Variants in PASK observed in about 807,000 individuals in gnomAD.
PASK encodes PAS domain-containing serine/threonine-protein kinase.
A neutral mutation model predicts 121.0 loss-of-function variants in PASK; 110 were observed. The ratio of observed to expected loss-of-function variants is 0.91; its 90% CI spans 0.78 to 1.06. PASK has a LOEUF of 1.06. Ranked by LOEUF, PASK falls within the 50% of genes least tolerant of loss-of-function variation. The pLI, the probability that PASK is intolerant of heterozygous loss-of-function variation, is 0.00. For missense variants in PASK, 1,643 were observed against 1,702.3 expected (o/e 0.97, Z 0.61); for synonymous variants, 686 against 717.8 (o/e 0.96, Z 0.71).
chr2:241,109,839 GGTCAAATAGT>G (rs1335819710), intron 15 of PASK: 1 of 152,184 alleles, frequency 6.6e-6, no homozygotes, highest in African/African-American at 2.4e-5. Flanking sequence ...TCCTGTGAAG[GGTCAAATAGT>G]AAATATTTCA....
Position 241,115,193 on chromosome 2 carries a change from G to C in PASK, c.3199-16C>G. The stretch of plus-strand genomic sequence containing the variant: ...TATCCAATACCTAGGAAGAGACAAA[G>C]CCAAGTCCAACTCTACCAAAACATC... On this transcript the variant is annotated splice_polypyrimidine_tract_variant and intron_variant, in intron 13 of 17. Coordinates refer to ENST00000234040, the MANE Select transcript of PASK (RefSeq NM_015148.4). 1 of 1,614,038 alleles carries C rather than the reference G, an allele frequency of 6.2e-7. No individual in the cohort carries two copies. The highest frequency in any genetic ancestry group is 8.5e-7 in the Non-Finnish European group (1 of 1,179,966).
rs150248398 is a variant in PASK at position 241,126,306 on chromosome 2, T to C, written c.2609A>G (p.Gln870Arg). The change falls in exon 10 of 18, where the codon CAG becomes CGG. Residue 870 changes from glutamine (Q) to arginine (R), a missense_variant. Transcript: ENST00000234040. ...CACGATCACGGGCGTGGAGGTGACCTGGACGTTCAGCCTTGGCTCCTCTGC... is the reference window on the plus strand; with the variant it reads ...CACGATCACGGGCGTGGAGGTGACCCGGACGTTCAGCCTTGGCTCCTCTGC... ...PSAEEPRLNV[Q>R]VTSTPVIVMR... The C allele has an allele frequency of 5.0e-6, 8 of 1,614,108 alleles. No homozygotes were observed. The highest frequency in any genetic ancestry group is 6.8e-6 in the Non-Finnish European group (8 of 1,180,032).
intron 10 of PASK, 146 bp from the exon 11 acceptor site, chr2:241,124,279 C>T: frequency 1.4e-6 from 1 of 715,166 alleles, no homozygotes; most frequent in Non-Finnish European, 2.4e-6. Context: ...GAACACAGAC[C>T]AGAGAGCAGC....
Position 241,137,227 on chromosome 2 carries a change from TC to T in PASK, c.913del (p.Asp305ThrfsTer7). 6.2e-7 allele frequency: 1 copy of T among 1,613,014 alleles called. No individual in the cohort carries two copies. The highest frequency in any genetic ancestry group is 2.2e-5 in the East Asian group (1 of 44,872). On this transcript the variant is annotated frameshift_variant, in exon 7 of 18. Coordinates refer to ENST00000234040, the MANE Select transcript of PASK (RefSeq NM_015148.4). LOFTEE classifies it high-confidence loss of function. ...TAAGCTCAGAGGGAAGGTGGTACCG[TC>T]CCTGGCTCTTCCAACAGACCTCTGA... Reference protein sequence around the residue: ...KIQRSVGRARDGTTFPLSLKL... With the variant: ...KIQRSVGRARXGTTFPLSLKL...
At chr2:241,142,744 C>T (rs2066761363) in intron 2 of PASK, 93 bp downstream of exon 2, 2 of 1,000,198 alleles carry the variant, frequency 2.0e-6, no homozygotes, top group Non-Finnish European at 3.1e-6. Flanking sequence ...AGAGTGACTT[C>T]AATCCCTGGT....
upstream of PASK, chr2:241,150,131 T>G: frequency 7.9e-7 from 1 of 1,263,696 alleles, no homozygotes; most frequent in Non-Finnish European, 1.0e-6. Flanking sequence ...GCCTCCGAGG[T>G]CGAGACAGTG....
upstream of PASK, chr2:241,149,512 G>T (rs1431720574): frequency 2.7e-6 from 2 of 753,778 alleles, no homozygotes; most frequent in Non-Finnish European, 4.2e-6. Context: ...GACTAGCACC[G>T]ATTGACAAGC....
In PASK at chr2:241,114,970, C is replaced by T. The variant is rs1015404256; in HGVS notation, c.3333+73G>A. 4 of 1,612,786 alleles carry T rather than the reference C, an allele frequency of 2.5e-6. No homozygotes were observed. The East Asian group carries it at 6.7e-5, about 27-fold the overall frequency. ...CAGAGAGAGAACCGAGTATGGATCA[C>T]TGATCTTTGCAGCCACCGGACCCAG... is the stretch of plus-strand genomic sequence containing the variant. On this transcript the variant is annotated intron_variant, in intron 14 of 17. Coordinates refer to ENST00000234040, the MANE Select transcript of PASK (RefSeq NM_015148.4).
At chr2:241,114,546 A>G in intron 14 of PASK, 1 of 1,007,922 alleles carries the variant, frequency 9.9e-7, no homozygotes, top group Non-Finnish European at 1.2e-6. Flanking sequence ...CAATAAAATA[A>G]TGGCCGAAGT....
chr2:241,135,755 C>T, intron 8 of PASK, 116 bp downstream of exon 8: 1 of 966,426 alleles, frequency 1.0e-6, no homozygotes. Flanking sequence ...CCCCCCACCA[C>T]CCCTGAGCCT....
In PASK at chr2:241,119,849, C is replaced by G. The variant is rs140858627; in HGVS notation, c.3072+2883G>C. Among the ~76,000 whole-genome samples, 1,177 of 152,142 alleles carry G rather than the reference C, an allele frequency of 7.7e-3. 17 individuals are homozygous for G. The highest frequency in any genetic ancestry group is 0.027 in the African/African-American group (1,105 of 41,478). ...TGCCCCTGTAGGAGTCAAGGGCCCT[C>G]TGTCTACACCCTCTCCTCCTCCTCC... On this transcript the variant is annotated intron_variant, in intron 12 of 17. Transcript: ENST00000234040.
chr2:241,108,565 A>C lies in PASK; in HGVS notation c.3534-265T>G. On this transcript the variant is annotated intron_variant, in intron 15 of 17. Transcript: ENST00000234040. The surrounding 1 kb of genome is among the most constrained non-coding windows in gnomAD (Gnocchi z 5.2). ...GAACTTCCTTGTGGACACCAACCAC[A>C]AGACGTGTCTACCAGAGGGGGGAGC... 1 of 534,270 alleles carries C rather than the reference A, an allele frequency of 1.9e-6. No homozygotes were observed. Among genetic ancestry groups the C allele is most frequent in the South Asian group, 2.0e-5 (1 of 51,086 alleles). The allele number at this position is 534,270 out of a possible 1,614,324, so 33.1% of individuals were successfully genotyped here.
At chr2:241,135,363 C>T (rs1274777981) in intron 8 of PASK, among the ~76,000 whole-genome samples, 1 of 152,100 alleles carries the variant, frequency 6.6e-6, no homozygotes, top group Non-Finnish European at 1.5e-5. Flanking sequence ...ACAGCCCACC[C>T]GTGGAACGCA....
chr2:241,135,042 G>T (rs1489477692), intron 8 of PASK, among the ~76,000 whole-genome samples: 20 of 152,208 alleles, frequency 1.3e-4, no homozygotes, highest in Non-Finnish European at 1.6e-4. Flanking sequence ...TCAGGCGTGG[G>T]CCCTGCCAGG....
chr2:241,137,857 C>A, intron 6 of PASK, 96 bp downstream of exon 6: 1 of 1,393,766 alleles, frequency 7.2e-7, no homozygotes, highest in Middle Eastern at 2.2e-4. Flanking sequence ...CTAAGGCCAC[C>A]CTTGCCTTCA....
At chr2:241,137,675 T>C (rs1337741561) in intron 6 of PASK, among the ~76,000 whole-genome samples, 2 of 152,162 alleles carry the variant, frequency 1.3e-5, no homozygotes, top group Non-Finnish European at 2.9e-5. Context: ...CTGTGGATGT[T>C]ACCTCCCACC....
upstream of PASK, chr2:241,149,842 G>A (rs761008765): frequency 1.1e-5 from 16 of 1,491,222 alleles, no homozygotes; most frequent in Non-Finnish European, 1.4e-5. Flanking sequence ...GGAACGACTT[G>A]CAAGGGGAGC....
chr2:241,128,737 A>G (rs955309745), intron 9 of PASK, among the ~76,000 whole-genome samples: 7 of 152,092 alleles, frequency 4.6e-5, no homozygotes, highest in Non-Finnish European at 8.8e-5. Flanking sequence ...GTGGTGACAC[A>G]CACCTGTAGT....
rs374823988 is a variant in PASK, at chr2:241,112,427, C to T, written c.3346G>A (p.Val1116Met). ...ATGTCCTTCAAGCGCAGGTATCCCA[C>T]TGCTGACACTAGCTGGAATCAGGAG... Reference protein sequence around the residue: ...SYIFRQLVSAVGYLRLKDIIH... With the variant: ...SYIFRQLVSAMGYLRLKDIIH... The change falls in exon 15 of 18, where the codon GTG becomes ATG. Residue 1116 changes from valine to methionine, a missense_variant. Transcript: ENST00000234040. The surrounding 1 kb of genome is among the most constrained non-coding windows in gnomAD (Gnocchi z 5.2). 1 of 1,612,886 alleles carries T rather than the reference C, an allele frequency of 6.2e-7. No individual in the cohort carries two copies. Among genetic ancestry groups the T allele is most frequent in the Non-Finnish European group, 8.5e-7 (1 of 1,179,094 alleles).
Sources: allele counts gnomAD v4.1 joint callset (sites outside exome capture counted in the v4.1 genomes callset), GRCh38; gene constraint gnomAD v4.1.1; non-coding constraint Gnocchi (gnomAD v3.1); transcripts MANE v1.5; gene names NCBI Gene and HGNC (gene_info 2026-07-23, HGNC 2026-07-21).